Variants in SBNO1 observed in about 807,000 individuals in gnomAD.
SBNO1 encodes strawberry notch homolog 1, also known as protein strawberry notch homolog 1.
A neutral mutation model predicts 173.6 loss-of-function variants in SBNO1; 23 were observed. The observed-to-expected ratio is 0.13, with a 90% CI of 0.10 to 0.19. SBNO1 has a LOEUF of 0.19. SBNO1 is among the 10% of genes least tolerant of loss of function. The pLI, the probability that SBNO1 is intolerant of heterozygous loss-of-function variation, is 1.00. For synonymous variants in SBNO1, 632 were observed against 571.5 expected (o/e 1.11, Z -1.51); for missense variants, 1,238 against 1,671.2 (o/e 0.74, Z 4.52).
At chr12:123,302,152 C>G (rs1181689104) in intron 30 of SBNO1, among the ~76,000 whole-genome samples, 4 of 151,636 alleles carry the variant, frequency 2.6e-5, no homozygotes, top group African/African-American at 9.7e-5. Context: ...AGGCTGGTCT[C>G]GAACTCCCGA....
At chr12:123,362,108 C>T (rs1875314546) in intron 1 of SBNO1, among the ~76,000 whole-genome samples, 2 of 150,858 alleles carry the variant, frequency 1.3e-5, no homozygotes, top group Admixed American at 1.3e-4. Context: ...ACACCGCACT[C>T]CAGCCTGGGC....
intron 15 of SBNO1, among the ~76,000 whole-genome samples, chr12:123,324,408 G>A (rs1169661090): frequency 2.0e-5 from 3 of 148,878 alleles, no homozygotes; most frequent in East Asian, 4.0e-4. Flanking sequence ...TGCAACCTCC[G>A]CCGCCTGGGT....
At chr12:123,359,669 G>A (rs1314540043) in intron 1 of SBNO1, among the ~76,000 whole-genome samples, 1 of 152,054 alleles carries the variant, frequency 6.6e-6, no homozygotes, top group Non-Finnish European at 1.5e-5. Context: ...GCATGACTCT[G>A]ATCTATATAT....
Position 123,342,134 on chromosome 12 carries a change from C to T in SBNO1, c.551-1046G>A, listed in dbSNP as rs578092412. On this transcript the variant is annotated intron_variant, in intron 4 of 31. Coordinates refer to ENST00000602398, the MANE Select transcript of SBNO1 (RefSeq NM_001167856.3). ...GGCATGGTGGCGCATGCTCATAATC[C>T]CAGCTACTTGGGAGGCTGAGGCAGA... Among the ~76,000 whole-genome samples the T allele has an allele frequency of 3.3e-5, 5 of 152,128 alleles. No individual in the cohort carries two copies. In the South Asian group the frequency reaches 1.0e-3, roughly 32 times the overall value.
In SBNO1 at chr12:123,358,700, G is replaced by A. The variant is rs529917233; in HGVS notation, c.-1+6001C>T. On this transcript the variant is annotated intron_variant, in intron 1 of 31. Transcript: ENST00000602398. ...AGAGCTTGCAGTGAGCCAAGATCGC[G>A]CCACTGCACTCCAGCCAGGGCAACA... Among the ~76,000 whole-genome samples the A allele has an allele frequency of 2.6e-4, 31 of 121,152 alleles. No homozygotes were observed. In the East Asian group the frequency reaches 5.7e-3, roughly 22 times the overall value. The allele number at this position is 121,152 out of a possible 152,430, so 79.5% of individuals were successfully genotyped here.
intron 2 of SBNO1, among the ~76,000 whole-genome samples, chr12:123,349,962 T>C (rs1033659214): frequency 9.2e-5 from 14 of 151,546 alleles, no homozygotes; most frequent in African/African-American, 3.4e-4. Flanking sequence ...GCTTCACATG[T>C]ATATTTAAAA....
rs1301047770 is a variant in SBNO1, at chr12:123,323,729, A to C, written c.2076T>G (p.Ser692Arg). ...CTTTACAAGGACTATCTCTTGGCGAACTGTTGTTACTTGGAGCTGTCAAAT... is the reference window on the plus strand; with the variant it reads ...CTTTACAAGGACTATCTCTTGGCGACCTGTTGTTACTTGGAGCTGTCAAAT... ...GIDLTAPSNN[S>R]SPRDSPCKEN... The change falls in exon 16 of 32, where the codon AGT (serine) becomes AGG (arginine). Residue 692 changes from serine (S) to arginine (R), a missense_variant. Ser to Arg is a moderately radical substitution (Grantham distance 110, BLOSUM62 -1). This residue lies in a region of SBNO1 where 81 missense variants were observed against 82.6 expected (regional missense o/e 0.98). Coordinates refer to ENST00000602398, the MANE Select transcript of SBNO1 (RefSeq NM_001167856.3). 6.8e-6 allele frequency: 11 copies of C among 1,612,584 alleles called. No homozygotes were observed. Among genetic ancestry groups the C allele is most frequent in the Admixed American group, 3.4e-5 (2 of 59,648 alleles).
At chr12:123,340,581 CA>C (rs752794679) in intron 5 of SBNO1, among the ~76,000 whole-genome samples, 171 of 46,796 alleles carry the variant, frequency 3.7e-3, no homozygotes, top group Middle Eastern at 0.011. Context: ...GACTCTGTCT[CA>C]AAAAAAAAAA....
chr12:123,302,100 G>C (rs2048808793), intron 30 of SBNO1, among the ~76,000 whole-genome samples: 1 of 151,742 alleles, frequency 6.6e-6, no homozygotes, highest in South Asian at 2.1e-4. Context: ...ACCACACCCA[G>C]CTAATTTTTT....
chr12:123,348,171 C>A (rs745393848), intron 2 of SBNO1, 38 bp from the exon 3 acceptor site: 2 of 1,125,860 alleles, frequency 1.8e-6, no homozygotes, highest in South Asian at 2.6e-5. Context: ...AATAAAAGGA[C>A]AGCAGTAAAT....
chr12:123,303,922 C>T (rs1004197725), intron 29 of SBNO1, among the ~76,000 whole-genome samples: 68 of 100,324 alleles, frequency 6.8e-4, no homozygotes, highest in East Asian at 1.6e-3. Context: ...AATAAGTATT[C>T]TTTTTTTTTT....
intron 23 of SBNO1, 101 bp downstream of exon 23, chr12:123,315,272 G>GCT: frequency 1.2e-6 from 1 of 832,566 alleles, no homozygotes; most frequent in Non-Finnish European, 2.0e-6. Context: ...ATGCATAGGA[G>GCT]AGGCAGTTTT....
rs954866179 is a variant in SBNO1, at chr12:123,313,261, A to T, written c.3220+359T>A. Among the ~76,000 whole-genome samples, 50 of 148,898 alleles carry T rather than the reference A, an allele frequency of 3.4e-4. 1 individual carries two copies. Among genetic ancestry groups the T allele is most frequent in the African/African-American group, 8.5e-4 (35 of 41,062 alleles). On this transcript the variant is annotated intron_variant, in intron 24 of 31. Coordinates refer to ENST00000602398, the MANE Select transcript of SBNO1 (RefSeq NM_001167856.3). ...ATAAATAAATAAATAAATAATTTTT[A>T]AAAAAGACTCGGTCTTAAAAAAAAT...
chr12:123,329,069 C>T (rs893524902), intron 9 of SBNO1, among the ~76,000 whole-genome samples, 174 bp from the exon 10 acceptor site: 2 of 152,142 alleles, frequency 1.3e-5, no homozygotes, highest in African/African-American at 4.8e-5. Flanking sequence ...CACAAACACA[C>T]AACTTTATAG....
rs543658229 is a variant in SBNO1 at position 123,329,749 on chromosome 12, C to T, written c.1134+670G>A. The stretch of plus-strand genomic sequence containing the variant: ...AACACTGAATTCAACTTAGGACTCA[C>T]ATGGGAAGTAGAGGTGCAGTTACTT... On this transcript the variant is annotated intron_variant, in intron 9 of 31. Transcript: ENST00000602398. Among the ~76,000 whole-genome samples, 14 of 152,296 alleles carry T rather than the reference C, an allele frequency of 9.2e-5. No homozygotes were observed. In the East Asian group the frequency reaches 1.7e-3, roughly 19 times the overall value.
At chr12:123,318,737 C>CAAAAAAAA (rs56158087) in intron 20 of SBNO1, among the ~76,000 whole-genome samples, 1 of 116,534 alleles carries the variant, frequency 8.6e-6, no homozygotes, top group Non-Finnish European at 1.7e-5. Flanking sequence ...GACTCTGTCT[C>CAAAAAAAA]AAAAAAAAAA....
intron 1 of SBNO1, among the ~76,000 whole-genome samples, chr12:123,354,838 C>A (rs1206342178): frequency 6.7e-6 from 1 of 149,968 alleles, no homozygotes; most frequent in Non-Finnish European, 1.5e-5. Context: ...AAGTTACTAA[C>A]CACGGAAGGT....
chr12:123,322,931 G>GA (rs917442452), intron 16 of SBNO1, among the ~76,000 whole-genome samples: 2 of 151,502 alleles, frequency 1.3e-5, no homozygotes, highest in Non-Finnish European at 2.9e-5. Flanking sequence ...GAAAACTACT[G>GA]AAACACCCAG....
intron 1 of SBNO1, among the ~76,000 whole-genome samples, chr12:123,357,186 C>A (rs932066120): frequency 6.6e-6 from 1 of 152,066 alleles, no homozygotes; most frequent in East Asian, 1.9e-4. Context: ...GTGGCTCATG[C>A]CTGTAATTCC....
Sources: allele counts gnomAD v4.1 joint callset (sites outside exome capture counted in the v4.1 genomes callset), GRCh38; gene constraint gnomAD v4.1.1; regional missense constraint gnomAD v4.1.1; transcripts MANE v1.5; gene names NCBI Gene and HGNC (gene_info 2026-07-23, HGNC 2026-07-21).